Variants in RBM47 observed in about 807,000 individuals in gnomAD.
RBM47 encodes the protein RNA-binding protein 47.
In RBM47, 21 loss-of-function variants were observed where a neutral mutation model predicts 47.1. The observed-to-expected ratio is 0.45, with a 90% CI of 0.32 to 0.64. RBM47 has a LOEUF of 0.64. RBM47 is among the 30% of genes least tolerant of loss of function. RBM47 has a pLI of 0.05. For synonymous variants in RBM47, 375 were observed against 361.7 expected, an observed-to-expected ratio of 1.04 and a Z score of -0.42; for missense variants, 708 against 870.9, an observed-to-expected ratio of 0.81 and a Z score of 2.35.
intron 2 of RBM47, among the ~76,000 whole-genome samples, chr4:40,533,659 T>C (rs1353070325): frequency 6.6e-6 from 1 of 152,038 alleles, no homozygotes; most frequent in African/African-American, 2.4e-5. Context: ...TTTTTGAGAC[T>C]GGATCTCAGT....
At chr4:40,554,249 C>T (rs142067590) in intron 1 of RBM47, among the ~76,000 whole-genome samples, 4 of 152,014 alleles carry the variant, frequency 2.6e-5, no homozygotes, top group Non-Finnish European at 5.9e-5. Flanking sequence ...TTGAGTCATG[C>T]GTCATTTACT....
chr4:40,462,447 T>G (rs1375618275), intron 3 of RBM47, among the ~76,000 whole-genome samples: 2 of 152,160 alleles, frequency 1.3e-5, no homozygotes, highest in Non-Finnish European at 2.9e-5. Flanking sequence ...TGCACCTACA[T>G]AACACCCACA....
At chr4:40,489,218 G>A (rs958315104) in intron 2 of RBM47, among the ~76,000 whole-genome samples, 1 of 152,118 alleles carries the variant, frequency 6.6e-6, no homozygotes, top group Non-Finnish European at 1.5e-5. Context: ...TTGGGGGAAT[G>A]GAGATAACAG....
intron 3 of RBM47, among the ~76,000 whole-genome samples, chr4:40,456,175 T>C (rs1183896339): frequency 1.3e-5 from 2 of 152,224 alleles, no homozygotes; most frequent in Admixed American, 1.3e-4. Context: ...TGCCTACCCA[T>C]TGAATGTAGT....
chr4:40,560,230 A>C (rs967940314), intron 1 of RBM47, among the ~76,000 whole-genome samples: 1 of 152,146 alleles, frequency 6.6e-6, no homozygotes, highest in African/African-American at 2.4e-5. Context: ...ATCTAACTCC[A>C]CTCCATGAAA....
At chr4:40,480,000 G>A (rs960759703) in intron 2 of RBM47, among the ~76,000 whole-genome samples, 4 of 117,770 alleles carry the variant, frequency 3.4e-5, no homozygotes, top group African/African-American at 1.4e-4. Flanking sequence ...TTTTTGAGAC[G>A]GAGTCTTATT....
rs750879476 is a variant in RBM47 at position 40,425,888 on chromosome 4, G to A, written c.*16C>T. 1.1e-5 allele frequency: 18 copies of A among 1,613,138 alleles called. No individual in the cohort carries two copies. Among genetic ancestry groups the A allele is most frequent in the East Asian group, 6.7e-5 (3 of 44,862 alleles). ...AGTGGTGTTTGTGTGGTCTGTCTTC[G>A]TGCTGGTCACCAGCCTCAGTATGTC... On this transcript the variant is annotated 3_prime_UTR_variant, in exon 7 of 7. Transcript: ENST00000295971.
chr4:40,442,644 G>T (rs1713834384), intron 3 of RBM47, among the ~76,000 whole-genome samples: 2 of 152,114 alleles, frequency 1.3e-5, no homozygotes, highest in Admixed American at 1.3e-4. Flanking sequence ...ACAGAACGTG[G>T]TATACATATA....
intron 1 of RBM47, among the ~76,000 whole-genome samples, chr4:40,580,694 C>T (rs1257752505): frequency 1.3e-5 from 2 of 152,162 alleles, no homozygotes; most frequent in Non-Finnish European, 2.9e-5. Flanking sequence ...AGCTCTCACA[C>T]ATATTGAGGA....
chr4:40,593,888 A>AAC (rs1734509600), intron 1 of RBM47, among the ~76,000 whole-genome samples: 1 of 150,266 alleles, frequency 6.7e-6, no homozygotes, highest in African/African-American at 2.5e-5. Context: ...TGTCTCAAAA[A>AAC]AAAAAAAAAA....
chr4:40,503,083 T>C (rs1723613288), intron 2 of RBM47, among the ~76,000 whole-genome samples: 1 of 152,128 alleles, frequency 6.6e-6, no homozygotes, highest in Non-Finnish European at 1.5e-5. Context: ...TCAGAAACAG[T>C]GACTAAAGTC....
intron 2 of RBM47, among the ~76,000 whole-genome samples, chr4:40,534,631 G>C (rs1357501597): frequency 6.6e-6 from 1 of 151,996 alleles, no homozygotes; most frequent in East Asian, 1.9e-4. Flanking sequence ...CTAAGGAGCT[G>C]GTAGTTAAAA....
rs531072953 is a variant in RBM47 at position 40,568,095 on chromosome 4, C to T, written c.-239-23589G>A. Among the ~76,000 whole-genome samples, 32 of 151,016 alleles carry T rather than the reference C, an allele frequency of 2.1e-4. No homozygotes were observed. In the East Asian group the frequency reaches 3.3e-3, roughly 16 times the overall value. On this transcript the variant is annotated intron_variant, in intron 1 of 6. Transcript: ENST00000295971. Reference sequence around the variant, plus strand: ...GCCACTGCACTCCAGCCTGGGTGACCGAGCGAGACTCTGTCTCAAAAACAA... The same window carrying T: ...GCCACTGCACTCCAGCCTGGGTGACTGAGCGAGACTCTGTCTCAAAAACAA...
chr4:40,606,579 G>C (rs1315024209), intron 1 of RBM47, among the ~76,000 whole-genome samples: 1 of 152,154 alleles, frequency 6.6e-6, no homozygotes, highest in Non-Finnish European at 1.5e-5. Context: ...CTGCAGCACA[G>C]CTTGGTGGTT....
At chr4:40,484,993 CTT>C (rs368591791) in intron 2 of RBM47, among the ~76,000 whole-genome samples, 3 of 151,070 alleles carry the variant, frequency 2.0e-5, no homozygotes, top group African/African-American at 4.9e-5. Flanking sequence ...AAGATTGTCT[CTT>C]TTTTTTTGTT....
intron 1 of RBM47, among the ~76,000 whole-genome samples, chr4:40,581,858 AG>A (rs111359146): frequency 0.053 from 8,069 of 152,024 alleles, 562 homozygotes; most frequent in East Asian, 0.19. Context: ...CGCCAGCCCC[AG>A]GAGCAACCAG....
intron 1 of RBM47, among the ~76,000 whole-genome samples, chr4:40,581,434 T>TAATAAGTAAATA (rs1732918274): frequency 7.2e-6 from 1 of 138,988 alleles, no homozygotes; most frequent in Non-Finnish European, 1.5e-5. Flanking sequence ...AAAAAAGTAA[T>TAATAAGTAAATA]AATAAATAAA....
intron 3 of RBM47, among the ~76,000 whole-genome samples, chr4:40,455,199 C>G (rs1256507670): frequency 2.0e-5 from 3 of 152,170 alleles, no homozygotes; most frequent in East Asian, 1.9e-4. Flanking sequence ...TGTTTTTAGA[C>G]TTAAAAACCT....
chr4:40,482,036 G>A (rs1204179053), intron 2 of RBM47, among the ~76,000 whole-genome samples: 1 of 152,200 alleles, frequency 6.6e-6, no homozygotes, highest in South Asian at 2.1e-4. Context: ...ACCTGGCCAT[G>A]ATGTGATTTC....
Sources: gnomAD v4.1 joint callset for allele counts (sites outside exome capture counted in the v4.1 genomes callset) on GRCh38, gnomAD v4.1.1 for gene constraint, MANE v1.5 for transcripts, NCBI Gene and HGNC (gene_info 2026-07-23, HGNC 2026-07-21) for gene names.